Variants in DNAH7 observed in about 807,000 individuals in gnomAD.
DNAH7 encodes axonemal beta dynein heavy chain 7.
Under a neutral mutation model 444.6 loss-of-function variants are expected in DNAH7, and 397 were observed. The observed-to-expected ratio is 0.89, with a 90% confidence interval of 0.82 to 0.97. The LOEUF (loss-of-function observed/expected upper bound fraction) is 0.97, where lower values mean the gene tolerates loss of function less well. DNAH7 is among the 50% of genes least tolerant of loss of function. The pLI, the probability that DNAH7 is intolerant of heterozygous loss-of-function variation, is 0.00. For missense variants in DNAH7, 4,902 were observed against 4,800.8 expected (o/e 1.02, Z -0.62); for synonymous variants, 1,636 against 1,624.4 (o/e 1.01, Z -0.17).
At chr2:195,747,770 T>C (rs1483257234) in intron 63 of DNAH7, among the ~76,000 whole-genome samples, 2 of 152,126 alleles carry the variant, frequency 1.3e-5, no homozygotes, top group Non-Finnish European at 2.9e-5. Flanking sequence ...AAAAGGCCTT[T>C]GACAAAATTC....
intron 19 of DNAH7, among the ~76,000 whole-genome samples, chr2:195,953,536 G>GCCGCC (rs1690414858): frequency 6.6e-6 from 1 of 152,198 alleles, no homozygotes; most frequent in African/African-American, 2.4e-5. Context: ...TGTGCCCACA[G>GCCGCC]CCGCCCCTTC....
intron 30 of DNAH7, chr2:195,892,505 T>C (rs1702072367): frequency 6.6e-6 from 1 of 151,946 alleles, no homozygotes; most frequent in Non-Finnish European, 1.5e-5. Flanking sequence ...TTAACTGGCT[T>C]TTTAAAAAAA....
At chr2:195,888,169 G>T in intron 33 of DNAH7, 89 bp downstream of exon 33, 1 of 1,087,654 alleles carries the variant, frequency 9.2e-7, no homozygotes, top group South Asian at 1.7e-5. Context: ...TCTCTTAGCT[G>T]ATAATAAAAA....
At position 196,048,243 on chromosome 2, in the gene DNAH7, G is replaced by T. The variant is rs932641244; in HGVS notation, c.250+53C>A. 1.9e-5 allele frequency: 27 copies of T among 1,444,838 alleles called. No homozygotes were observed. In the South Asian group the frequency reaches 3.2e-4, roughly 17 times the overall value. The allele number at this position is 1,444,838 out of a possible 1,614,324, so 89.5% of individuals were successfully genotyped here. ...TACACTATTAACTAAATATTGTCTGGTCTCTCTCTACAAATTATCCTTAAA... is the reference window on the plus strand; with the variant it reads ...TACACTATTAACTAAATATTGTCTGTTCTCTCTCTACAAATTATCCTTAAA... On this transcript the variant is annotated intron_variant, in intron 4 of 64. Transcript: ENST00000312428.
rs1247896939 is a variant in DNAH7 at position 196,047,065 on chromosome 2, A to C, written c.398+287T>G. Reference sequence around the variant, plus strand: ...GAGCAGATGAGATTGGGGAAAAAAAACCTGCTAGAATCCTCCACTGGCTAC... The same window carrying C: ...GAGCAGATGAGATTGGGGAAAAAAACCCTGCTAGAATCCTCCACTGGCTAC... On this transcript the variant is annotated intron_variant, in intron 5 of 64. Coordinates refer to ENST00000312428, the MANE Select transcript of DNAH7 (RefSeq NM_018897.3). 7.2e-5 allele frequency among the ~76,000 whole-genome samples: 11 copies of C among 152,036 alleles called. 1 individual carries two copies. In the East Asian group the frequency reaches 1.9e-3, roughly 27 times the overall value.
intron 8 of DNAH7, among the ~76,000 whole-genome samples, chr2:196,019,762 C>T (rs923318141): frequency 6.6e-6 from 1 of 152,136 alleles, no homozygotes; most frequent in Non-Finnish European, 1.5e-5. Context: ...TTGAACTTTA[C>T]CCCGTTAATA....
chr2:195,776,379 GT>G, intron 59 of DNAH7, among the ~76,000 whole-genome samples: 1 of 152,046 alleles, frequency 6.6e-6, no homozygotes, highest in Non-Finnish European at 1.5e-5. Flanking sequence ...GGAGACAGAA[GT>G]TGCGGTGAGC....
chr2:196,048,322 A>G lies in DNAH7; in HGVS notation c.224T>C (p.Phe75Ser). ...ATGGGACTGTTCATTTTTAACACTA[A>G]ATGGTTCTGGACTCTCATCATCCTG... ...VKQDDESPEP[F>S]SVKNEQSHAE... The change falls in exon 4 of 65, where the codon TTT becomes TCT. Residue 75 changes from phenylalanine (F) to serine (S), a missense_variant. Phe to Ser is a radical substitution (Grantham distance 155). Transcript: ENST00000312428. 1 of 1,613,754 alleles carries G rather than the reference A, an allele frequency of 6.2e-7. No homozygotes were observed. The highest frequency in any genetic ancestry group is 1.1e-5 in the South Asian group (1 of 91,026).
intron 43 of DNAH7, 106 bp from the exon 44 acceptor site, chr2:195,857,829 T>C: frequency 2.0e-6 from 2 of 980,604 alleles, no homozygotes; most frequent in African/African-American, 1.6e-5. Context: ...CTGTGTTCAC[T>C]GGGTAGAAAT....
chr2:195,839,545 A>C (rs1159849313), intron 47 of DNAH7, among the ~76,000 whole-genome samples: 4 of 151,724 alleles, frequency 2.6e-5, no homozygotes, highest in Non-Finnish European at 5.9e-5. Context: ...TGAAAACAAA[A>C]AAAGAATGGA....
Position 195,817,803 on chromosome 2 carries a change from G to T in DNAH7, c.9318C>A (p.Thr3106=). 1 of 1,604,224 alleles carries T rather than the reference G, an allele frequency of 6.2e-7. No individual in the cohort carries two copies. Among genetic ancestry groups the T allele is most frequent in the Non-Finnish European group, 8.5e-7 (1 of 1,176,664 alleles). ...GAAGCTGATCTTGCATTCCCTCAGGGGTTATCATGAAGTTTAATAATGTTA... is the reference window on the plus strand; with the variant it reads ...GAAGCTGATCTTGCATTCCCTCAGGTGTTATCATGAAGTTTAATAATGTTA... ...VKVTLLNFMI[T]PEGMQDQLLG... is the part of the protein sequence containing the mutation. Residue 3106 remains threonine (T), a synonymous_variant, in exon 50 of 65, where the codon ACC becomes ACA. Coordinates refer to ENST00000312428, the MANE Select transcript of DNAH7 (RefSeq NM_018897.3).
intron 17 of DNAH7, among the ~76,000 whole-genome samples, chr2:195,963,706 T>A (rs1444610833): frequency 6.6e-6 from 1 of 152,262 alleles, no homozygotes; most frequent in East Asian, 1.9e-4. Flanking sequence ...CCTGGAGAGT[T>A]TCTCCAATGT....
intron 5 of DNAH7, among the ~76,000 whole-genome samples, chr2:196,036,507 T>C (rs770108750): frequency 2.6e-5 from 4 of 152,170 alleles, no homozygotes; most frequent in Admixed American, 6.5e-5. Flanking sequence ...CCCCAAGGTA[T>C]TGGGAACCAA....
At chr2:196,056,985 A>AG (rs202049294) in intron 2 of DNAH7, among the ~76,000 whole-genome samples, 2,379 of 152,262 alleles carry the variant, frequency 0.016, 54 homozygotes, top group African/African-American at 0.054. Flanking sequence ...ACCAGCTCAC[A>AG]GGGGCTGAGA....
chr2:195,830,274 G>A (rs1336164042), intron 48 of DNAH7, among the ~76,000 whole-genome samples: 1 of 152,148 alleles, frequency 6.6e-6, no homozygotes, highest in East Asian at 1.9e-4. Flanking sequence ...ATACTTTTGA[G>A]TAAGGCAGAT....
intron 28 of DNAH7, among the ~76,000 whole-genome samples, 170 bp from the exon 29 acceptor site, chr2:195,897,935 CTTG>C (rs373508393): frequency 1.5e-3 from 223 of 151,962 alleles, no homozygotes; most frequent in Middle Eastern, 6.8e-3. Context: ...GACATTTAAA[CTTG>C]TTGTGTTTTT....
chr2:195,807,599 A>G (rs962310607), intron 53 of DNAH7, among the ~76,000 whole-genome samples: 4 of 152,224 alleles, frequency 2.6e-5, no homozygotes, highest in Admixed American at 2.0e-4. Context: ...ACTGTTTTAT[A>G]AAGGAAGACT....
intron 49 of DNAH7, among the ~76,000 whole-genome samples, chr2:195,822,732 C>T (rs1697529975): frequency 1.3e-5 from 2 of 152,146 alleles, no homozygotes; most frequent in South Asian, 4.1e-4. Flanking sequence ...TATTAGTGAA[C>T]TAAAAATTGT....
intron 36 of DNAH7, among the ~76,000 whole-genome samples, chr2:195,880,379 C>T (rs1377911492): frequency 7.0e-6 from 1 of 143,600 alleles, no homozygotes; most frequent in Non-Finnish European, 1.5e-5. Context: ...CCCAGGCTGG[C>T]GTGCAGTGGC....
Sources: gnomAD v4.1 joint callset for allele counts (sites outside exome capture counted in the v4.1 genomes callset) on GRCh38, gnomAD v4.1.1 for gene constraint, MANE v1.5 for transcripts, NCBI Gene and HGNC (gene_info 2026-07-23, HGNC 2026-07-21) for gene names.